MORC1: variants seen among roughly 807,000 people sequenced by gnomAD.
The protein encoded by MORC1 is MORC family CW-type zinc finger protein 1.
MORC1 carries 59 observed loss-of-function variants against 134.9 expected under a neutral mutation model. That is an observed-to-expected ratio of 0.44 (90% CI 0.35 to 0.54). The LOEUF is 0.54. MORC1 is among the 20% of genes least tolerant of loss of function. The probability of loss-of-function intolerance (pLI) is 0.00; values close to 1 mark genes in which losing one functional copy is unlikely to be tolerated. For synonymous variants in MORC1, 395 were observed against 391.7 expected, an observed-to-expected ratio of 1.01 and a Z score of -0.10; for missense variants, 947 against 1,134.5, an observed-to-expected ratio of 0.83 and a Z score of 2.37.
intron 7 of MORC1, among the ~76,000 whole-genome samples, chr3:109,094,311 T>G (rs1451418827): frequency 6.6e-6 from 1 of 152,168 alleles, no homozygotes; most frequent in Non-Finnish European, 1.5e-5. Flanking sequence ...TAATTATACT[T>G]TTTGGTAGTT....
At position 109,035,415 on chromosome 3, in the gene MORC1, C is replaced by G. The variant is rs752444359; in HGVS notation, c.1384G>C (p.Asp462His). Residue 462 changes from aspartate to histidine, a missense_variant, in exon 15 of 28, where the codon GAT becomes CAT. Asp to His is a moderately conservative substitution (Grantham distance 81). Transcript: ENST00000232603. Reference sequence around the variant, plus strand: ...AAAGAATTTAAAGGTTTCTCCACATCGATGTCATTCTGGTATCCAAATTCA... The same window carrying G: ...AAAGAATTTAAAGGTTTCTCCACATGGATGTCATTCTGGTATCCAAATTCA... The part of the protein sequence containing the change: ...CNEFGYQNDI[D>H]VEKPLNSFQY... 4 of 1,540,384 alleles carry G rather than the reference C, an allele frequency of 2.6e-6. No individual in the cohort carries two copies. The highest frequency in any genetic ancestry group is 3.5e-6 in the Non-Finnish European group (4 of 1,127,184).
At chr3:109,022,687 C>G (rs1247638784) in intron 17 of MORC1, among the ~76,000 whole-genome samples, 1 of 152,328 alleles carries the variant, frequency 6.6e-6, no homozygotes, top group East Asian at 1.9e-4. Flanking sequence ...AGAAGTTGGT[C>G]AGCCTAACCT....
At chr3:109,016,470 A>G (rs1223564020) in intron 17 of MORC1, among the ~76,000 whole-genome samples, 4 of 152,172 alleles carry the variant, frequency 2.6e-5, no homozygotes, top group African/African-American at 7.2e-5. Context: ...CTTTTCTACA[A>G]TCTCAGAGGA....
chr3:108,968,549 T>C (rs903182434), intron 26 of MORC1, among the ~76,000 whole-genome samples: 2 of 152,236 alleles, frequency 1.3e-5, no homozygotes, highest in Admixed American at 6.5e-5. Context: ...TCCATTGTAA[T>C]TGCTTCTTGG....
At chr3:109,057,203 C>T in intron 13 of MORC1, 140 bp downstream of exon 13, 1 of 814,616 alleles carries the variant, frequency 1.2e-6, no homozygotes, top group Non-Finnish European at 1.8e-6. Context: ...AGATTAATGC[C>T]TGCACTTCAA....
Position 109,069,620 on chromosome 3 carries a change from A to C in MORC1, c.815+12T>G. 1 of 1,557,202 alleles carries C rather than the reference A, an allele frequency of 6.4e-7. No homozygotes were observed. The highest frequency in any genetic ancestry group is 8.7e-7 in the Non-Finnish European group (1 of 1,146,764). ...AAAACTCTGTGAAGATAACTGAAGAAAGATGAGTTACCTGGGTCTGTAGAG... is the reference window on the plus strand; with the variant it reads ...AAAACTCTGTGAAGATAACTGAAGACAGATGAGTTACCTGGGTCTGTAGAG... On this transcript the variant is annotated intron_variant, in intron 9 of 27. Coordinates refer to ENST00000232603, the MANE Select transcript of MORC1 (RefSeq NM_014429.4).
chr3:109,092,713 T>C (rs1950755156), intron 8 of MORC1, among the ~76,000 whole-genome samples: 2 of 152,342 alleles, frequency 1.3e-5, no homozygotes, highest in South Asian at 4.1e-4. Context: ...CTAGAAAATT[T>C]AAGATTAAAT....
At chr3:108,990,201 A>G (rs1337359187) in intron 21 of MORC1, among the ~76,000 whole-genome samples, 1 of 152,198 alleles carries the variant, frequency 6.6e-6, no homozygotes, top group East Asian at 1.9e-4. Flanking sequence ...ATGGACTAAT[A>G]TACCTACCTT....
intron 16 of MORC1, among the ~76,000 whole-genome samples, chr3:109,028,952 G>A (rs1405507410): frequency 6.6e-6 from 1 of 152,140 alleles, no homozygotes; most frequent in Non-Finnish European, 1.5e-5. Context: ...CTACCAAAAA[G>A]AGGAGGGACA....
At chr3:109,098,867 A>T (rs933050868) in intron 6 of MORC1, among the ~76,000 whole-genome samples, 6 of 152,212 alleles carry the variant, frequency 3.9e-5, no homozygotes, top group Admixed American at 3.9e-4. Flanking sequence ...ATTGAATTAT[A>T]ACTGACAGCC....
intron 8 of MORC1, among the ~76,000 whole-genome samples, chr3:109,080,292 G>A (rs1328141686): frequency 6.6e-6 from 1 of 152,170 alleles, no homozygotes; most frequent in Non-Finnish European, 1.5e-5. Flanking sequence ...GGTAAAGAGA[G>A]AGAGAGTTTA....
intron 17 of MORC1, among the ~76,000 whole-genome samples, chr3:109,016,144 G>A (rs1168100382): frequency 6.6e-6 from 1 of 152,072 alleles, no homozygotes; most frequent in African/African-American, 2.4e-5. Context: ...TTTTCCTCTT[G>A]TAGTGTTGTA....
At chr3:109,047,823 CAGTT>C (rs1219426976) in intron 14 of MORC1, among the ~76,000 whole-genome samples, 1 of 152,084 alleles carries the variant, frequency 6.6e-6, no homozygotes, top group African/African-American at 2.4e-5. Context: ...AGATGAAAGA[CAGTT>C]TTTCCTTATA....
At chr3:109,003,025 T>A (rs963539684) in intron 20 of MORC1, among the ~76,000 whole-genome samples, 1 of 152,162 alleles carries the variant, frequency 6.6e-6, no homozygotes, top group East Asian at 1.9e-4. Flanking sequence ...AAAAGGCTAG[T>A]TACCATATTT....
At chr3:109,094,078 C>T (rs1485742986) in intron 7 of MORC1, among the ~76,000 whole-genome samples, 1 of 152,136 alleles carries the variant, frequency 6.6e-6, no homozygotes, top group Non-Finnish European at 1.5e-5. Context: ...GTAGCTCTGC[C>T]ACTGAAGCAT....
At chr3:109,061,916 A>T in intron 11 of MORC1, 72 bp downstream of exon 11, 1 of 1,323,608 alleles carries the variant, frequency 7.6e-7, no homozygotes, top group South Asian at 1.2e-5. Context: ...ATGATAAGAG[A>T]CAACTATGCA....
intron 13 of MORC1, among the ~76,000 whole-genome samples, chr3:109,056,409 A>G (rs1250504862): frequency 6.6e-6 from 1 of 152,040 alleles, no homozygotes; most frequent in Admixed American, 6.5e-5. Flanking sequence ...CTGTATTTCT[A>G]GTAGAGACGG....
chr3:108,962,547 C>T (rs867077374), intron 27 of MORC1, among the ~76,000 whole-genome samples: 16 of 152,096 alleles, frequency 1.1e-4, no homozygotes, highest in African/African-American at 2.9e-4. Flanking sequence ...GTTCTTGTCC[C>T]CTCACCTTGC....
At chr3:109,081,129 G>A (rs368278987) in intron 8 of MORC1, among the ~76,000 whole-genome samples, 1 of 152,058 alleles carries the variant, frequency 6.6e-6, no homozygotes, top group East Asian at 1.9e-4. Context: ...TCTAAATCAT[G>A]GTTAAGGAAA....
Sources: allele counts gnomAD v4.1 joint callset (sites outside exome capture counted in the v4.1 genomes callset), GRCh38; gene constraint gnomAD v4.1.1; transcripts MANE v1.5; gene names NCBI Gene and HGNC (gene_info 2026-07-23, HGNC 2026-07-21).